PDE1A: variants seen among roughly 807,000 people sequenced by gnomAD.
The protein encoded by PDE1A is phosphodiesterase 1A, also known as dual specificity calcium/calmodulin-dependent 3',5'-cyclic nucleotide phosphodiesterase 1A.
PDE1A carries 35 observed loss-of-function variants against 61.7 expected under a neutral mutation model. That is an observed-to-expected ratio of 0.57 (90% CI 0.43 to 0.75). PDE1A has a LOEUF of 0.75. Ranked by LOEUF, PDE1A falls within the 30% of genes least tolerant of loss-of-function variation. The pLI, the probability that PDE1A is intolerant of heterozygous loss-of-function variation, is 0.00. For missense variants in PDE1A, 597 were observed against 630.6 expected (o/e 0.95, Z 0.57); for synonymous variants, 232 against 213.2 (o/e 1.09, Z -0.77).
chr2:182,650,038 C>A, the PDE1A span, among the ~76,000 whole-genome samples: 4 of 152,048 alleles, frequency 2.6e-5, no homozygotes, highest in African/African-American at 9.7e-5. Flanking sequence ...GTGATCATAT[C>A]TAGGTGTGAT....
intron 2 of PDE1A, among the ~76,000 whole-genome samples, chr2:182,465,223 C>G (rs1033790700): frequency 6.6e-6 from 1 of 151,906 alleles, no homozygotes; most frequent in African/African-American, 2.4e-5. Context: ...AAAATCTAAC[C>G]TAAAGTTTAC....
intron 1 of PDE1A, among the ~76,000 whole-genome samples, chr2:182,421,422 C>T (rs1269682049): frequency 6.6e-6 from 1 of 152,196 alleles, no homozygotes; most frequent in Non-Finnish European, 1.5e-5. Context: ...AATACTGCCT[C>T]ATGGAGTTAT....
At chr2:182,418,780 C>G (rs1197643303) in intron 1 of PDE1A, among the ~76,000 whole-genome samples, 1 of 152,062 alleles carries the variant, frequency 6.6e-6, no homozygotes, top group Non-Finnish European at 1.5e-5. Flanking sequence ...CTCAATCAAA[C>G]TTAATCACAA....
intron 13 of PDE1A, among the ~76,000 whole-genome samples, chr2:182,157,849 C>T (rs2125290280): frequency 6.6e-6 from 1 of 152,276 alleles, no homozygotes; most frequent in East Asian, 1.9e-4. Flanking sequence ...TCCATCTCAT[C>T]TTTTAGCTTG....
chr2:182,524,383 G>A (rs1386941289), upstream of PDE1A, among the ~76,000 whole-genome samples: 1 of 152,110 alleles, frequency 6.6e-6, no homozygotes, highest in African/African-American at 2.4e-5. Flanking sequence ...ACCTCACATT[G>A]ACCAGCTTAC....
At chr2:182,654,174 C>T in the PDE1A span, among the ~76,000 whole-genome samples, 1 of 152,122 alleles carries the variant, frequency 6.6e-6, no homozygotes, top group Non-Finnish European at 1.5e-5. Context: ...ATACCAAGTA[C>T]CAGAGGCTAT....
At chr2:182,146,790 A>T (rs1009093597), downstream of PDE1A, among the ~76,000 whole-genome samples, 3 of 152,152 alleles carry the variant, frequency 2.0e-5, no homozygotes, top group African/African-American at 7.2e-5. Flanking sequence ...GGCCATTTTT[A>T]AAATTATTTT....
At chr2:182,176,277 G>A (rs2125347791) in intron 13 of PDE1A, among the ~76,000 whole-genome samples, 1 of 149,214 alleles carries the variant, frequency 6.7e-6, no homozygotes, top group East Asian at 1.9e-4. Flanking sequence ...ACCTTGGGCA[G>A]TATGGCCATT....
At chr2:182,217,319 A>G (rs1688276073) in intron 7 of PDE1A, among the ~76,000 whole-genome samples, 1 of 76,220 alleles carries the variant, frequency 1.3e-5, no homozygotes, top group Non-Finnish European at 2.6e-5. Context: ...AAAACCCTAG[A>G]AGAAAACCTA....
intron 2 of PDE1A, among the ~76,000 whole-genome samples, chr2:182,435,164 CAAT>C (rs1488101441): frequency 2.0e-5 from 3 of 151,958 alleles, no homozygotes; most frequent in Non-Finnish European, 4.4e-5. Flanking sequence ...ACAACAACAA[CAAT>C]AGAAATAATT....
At chr2:182,684,037 C>G in the PDE1A span, among the ~76,000 whole-genome samples, 2 of 151,008 alleles carry the variant, frequency 1.3e-5, no homozygotes, top group African/African-American at 4.9e-5. Flanking sequence ...GCAGGGGAAT[C>G]GCTTGAACCT....
intron 2 of PDE1A, among the ~76,000 whole-genome samples, chr2:182,521,459 T>G (rs1690563372): frequency 6.6e-6 from 1 of 152,078 alleles, no homozygotes; most frequent in Non-Finnish European, 1.5e-5. Flanking sequence ...TTTATCCAAA[T>G]GTTAAATCTG....
At chr2:182,552,940 C>T in the PDE1A span, among the ~76,000 whole-genome samples, 20 of 152,230 alleles carry the variant, frequency 1.3e-4, no homozygotes, top group African/African-American at 4.3e-4. Context: ...AGACCCGCTG[C>T]TGACTCCCAT....
At chr2:182,246,388 T>A (rs933268703) in intron 2 of PDE1A, among the ~76,000 whole-genome samples, 2 of 107,268 alleles carry the variant, frequency 1.9e-5, no homozygotes, top group Admixed American at 1.0e-4. Context: ...TACTATAGTC[T>A]TTTTTCTTTT....
intron 2 of PDE1A, among the ~76,000 whole-genome samples, chr2:182,437,343 C>A (rs1236429202): frequency 2.0e-5 from 3 of 151,876 alleles, no homozygotes; most frequent in African/African-American, 4.8e-5. Context: ...TTTGCAACCA[C>A]CCAAACCGTA....
intron 2 of PDE1A, among the ~76,000 whole-genome samples, chr2:182,264,097 G>C (rs76051776): frequency 0.015 from 2,326 of 152,216 alleles, 53 homozygotes; most frequent in African/African-American, 0.052. Context: ...CAAACATTTG[G>C]ATTAAAATGT....
At chr2:182,622,626 T>C in the PDE1A span, among the ~76,000 whole-genome samples, 1 of 152,158 alleles carries the variant, frequency 6.6e-6, no homozygotes, top group Non-Finnish European at 1.5e-5. Context: ...ATTTTACAAA[T>C]TGGTTCATAC....
intron 13 of PDE1A, among the ~76,000 whole-genome samples, chr2:182,174,003 G>GT (rs1438726166): frequency 6.6e-6 from 1 of 151,970 alleles, no homozygotes; most frequent in Non-Finnish European, 1.5e-5. Context: ...AGGCCCACTG[G>GT]TGAGTACTAA....
chr2:182,376,652 G>A (rs898081866), intron 1 of PDE1A, among the ~76,000 whole-genome samples: 1 of 152,002 alleles, frequency 6.6e-6, no homozygotes, highest in Non-Finnish European at 1.5e-5. Flanking sequence ...CCACATTTTC[G>A]GGTATCTTTT....
Sources: gnomAD v4.1 joint callset for allele counts (sites outside exome capture counted in the v4.1 genomes callset) on GRCh38, gnomAD v4.1.1 for gene constraint, MANE v1.5 for transcripts, NCBI Gene and HGNC (gene_info 2026-07-23, HGNC 2026-07-21) for gene names.